Variants in ELP4 observed in about 807,000 individuals in gnomAD.
ELP4 encodes elongator complex protein 4.
In ELP4, 51 loss-of-function variants were observed where a neutral mutation model predicts 48.9. The ratio of observed to expected loss-of-function variants is 1.04; its 90% CI spans 0.83 to 1.32. The LOEUF (loss-of-function observed/expected upper bound fraction) is 1.32, where lower values mean the gene tolerates loss of function less well. Among genes scored for constraint, ELP4 ranks in the 40% most tolerant of loss-of-function variants. The probability of loss-of-function intolerance (pLI) is 0.00; values close to 1 mark genes in which losing one functional copy is unlikely to be tolerated. For missense variants in ELP4, 519 were observed against 514.6 expected, an observed-to-expected ratio of 1.01 and a Z score of -0.08; for synonymous variants, 210 against 189.2, an observed-to-expected ratio of 1.11 and a Z score of -0.90.
At chr11:31,612,432 G>A (rs1272436315) in intron 5 of ELP4, among the ~76,000 whole-genome samples, 2 of 152,112 alleles carry the variant, frequency 1.3e-5, no homozygotes, top group Admixed American at 6.6e-5. Context: ...AGTGGTGCCA[G>A]TCTATCAGAT....
chr11:31,615,369 A>C (rs549475276), intron 5 of ELP4, among the ~76,000 whole-genome samples: 1 of 152,090 alleles, frequency 6.6e-6, no homozygotes, highest in African/African-American at 2.4e-5. Context: ...ATGTCACTAC[A>C]TCAAAAGAAA....
intron 3 of ELP4, among the ~76,000 whole-genome samples, chr11:31,566,339 C>T (rs950567144): frequency 1.3e-5 from 2 of 151,346 alleles, no homozygotes; most frequent in African/African-American, 4.9e-5. Context: ...TCCTGGGCGT[C>T]AGAGCGAGAC....
intron 9 of ELP4, among the ~76,000 whole-genome samples, chr11:31,704,501 G>C (rs891330896): frequency 6.6e-6 from 1 of 152,038 alleles, no homozygotes; most frequent in African/African-American, 2.4e-5. Flanking sequence ...GTGGGAGGAG[G>C]GGGGAGGGAA....
intron 3 of ELP4, among the ~76,000 whole-genome samples, chr11:31,591,426 G>GAAA (rs1565069718): frequency 7.5e-5 from 2 of 26,756 alleles, no homozygotes; most frequent in Non-Finnish European, 3.8e-4. Flanking sequence ...AAAAAAAGGG[G>GAAA]GGGGGGGGGT....
intron 9 of ELP4, among the ~76,000 whole-genome samples, chr11:31,728,790 T>C (rs1217356124): frequency 6.6e-6 from 1 of 152,196 alleles, no homozygotes; most frequent in East Asian, 1.9e-4. Context: ...AATTTTAAGA[T>C]TTTCCTTAGT....
At chr11:31,545,439 G>C (rs1039339364) in intron 3 of ELP4, among the ~76,000 whole-genome samples, 1 of 152,060 alleles carries the variant, frequency 6.6e-6, no homozygotes, top group African/African-American at 2.4e-5. Context: ...AGAGAAAAAA[G>C]AATAAAAAGA....
chr11:31,754,741 G>A (rs1282802260), intron 9 of ELP4, among the ~76,000 whole-genome samples: 7 of 151,992 alleles, frequency 4.6e-5, no homozygotes, highest in Non-Finnish European at 8.8e-5. Flanking sequence ...GCATGGTGGC[G>A]GGCACCTGTA....
At chr11:31,707,488 T>C (rs1437250180) in intron 9 of ELP4, 1 of 152,414 alleles carries the variant, frequency 6.6e-6, no homozygotes, top group East Asian at 1.9e-4. Context: ...TATAATACCT[T>C]CTGTAATTTA....
chr11:31,670,825 A>G (rs1260641706), intron 9 of ELP4, among the ~76,000 whole-genome samples: 1 of 152,002 alleles, frequency 6.6e-6, no homozygotes, highest in Non-Finnish European at 1.5e-5. Flanking sequence ...ATTTTCCCCA[A>G]GTCATTCTTT....
intron 9 of ELP4, among the ~76,000 whole-genome samples, chr11:31,762,482 A>T (rs1947963974): frequency 1.3e-5 from 2 of 152,116 alleles, no homozygotes. Context: ...TTTAGACTTC[A>T]AAAATACTTA....
intron 7 of ELP4, chr11:31,646,997 AT>A (rs1366360017): frequency 1.3e-5 from 2 of 151,754 alleles, no homozygotes; most frequent in Non-Finnish European, 2.9e-5. Context: ...ATATTAACCT[AT>A]TGTTTTGATC....
chr11:31,702,829 T>G (rs1200377440), intron 9 of ELP4, among the ~76,000 whole-genome samples: 4 of 152,204 alleles, frequency 2.6e-5, no homozygotes, highest in Admixed American at 6.5e-5. Context: ...CATTTTCTTA[T>G]GTATAAAATG....
intron 2 of ELP4, among the ~76,000 whole-genome samples, chr11:31,533,120 T>G (rs1414030903): frequency 6.6e-6 from 1 of 152,036 alleles, no homozygotes; most frequent in Non-Finnish European, 1.5e-5. Flanking sequence ...AGTGGTGAAG[T>G]CTGGCTTCTT....
intron 9 of ELP4, among the ~76,000 whole-genome samples, chr11:31,678,019 C>A (rs982351301): frequency 2.0e-5 from 3 of 152,138 alleles, no homozygotes; most frequent in African/African-American, 7.2e-5. Context: ...TTCTCTCCCC[C>A]TTCTTTCCTC....
chr11:31,768,446 C>A (rs1175429213), intron 9 of ELP4, among the ~76,000 whole-genome samples: 1 of 152,130 alleles, frequency 6.6e-6, no homozygotes, highest in Non-Finnish European at 1.5e-5. Flanking sequence ...GAGAAAGCCT[C>A]ATTTCATTTT....
At chr11:31,687,807 G>T (rs372516225) in intron 9 of ELP4, 51 of 152,080 alleles carry the variant, frequency 3.4e-4, no homozygotes, top group African/African-American at 1.1e-3. Context: ...ATTAAACTTT[G>T]TATTTTTCTA....
chr11:31,546,806 A>C (rs1404751530), intron 3 of ELP4, among the ~76,000 whole-genome samples: 1 of 152,176 alleles, frequency 6.6e-6, no homozygotes, highest in Non-Finnish European at 1.5e-5. Flanking sequence ...CAGTGCAATC[A>C]AACTAGAACT....
chr11:31,623,962 G>A (rs1378924851), intron 5 of ELP4, among the ~76,000 whole-genome samples: 1 of 151,704 alleles, frequency 6.6e-6, no homozygotes, highest in South Asian at 2.1e-4. Flanking sequence ...ATGAAAAAGT[G>A]CTCAACATTA....
At chr11:31,735,554 A>G (rs1045300336) in intron 9 of ELP4, among the ~76,000 whole-genome samples, 6 of 152,172 alleles carry the variant, frequency 3.9e-5, no homozygotes, top group African/African-American at 1.4e-4. Flanking sequence ...TGCAGATGAC[A>G]TGATTGTATA....
Sources: gnomAD v4.1 joint callset for allele counts (sites outside exome capture counted in the v4.1 genomes callset) on GRCh38, gnomAD v4.1.1 for gene constraint, MANE v1.5 for transcripts, NCBI Gene and HGNC (gene_info 2026-07-23, HGNC 2026-07-21) for gene names.